The following TNKS2 variants were observed in gnomAD, a reference collection of about 807,000 sequenced individuals.
TNKS2 encodes tankyrase 2.
Under a neutral mutation model 137.6 loss-of-function variants are expected in TNKS2, and 72 were observed. The ratio of observed to expected loss-of-function variants is 0.52; its 90% CI spans 0.43 to 0.64. The LOEUF (loss-of-function observed/expected upper bound fraction) is 0.64. TNKS2 is among the 30% of genes least tolerant of loss of function. TNKS2 has a pLI of 0.00. For missense variants in TNKS2, 1,049 were observed against 1,410.2 expected (o/e 0.74, Z 4.10); for synonymous variants, 516 against 512.1 (o/e 1.01, Z -0.10).
At position 91,861,026 on chromosome 10, in the gene TNKS2, A is replaced by G. The variant is rs1477919351; in HGVS notation, c.3282-973A>G. Among the ~76,000 whole-genome samples the G allele has an allele frequency of 2.0e-5, 3 of 152,188 alleles. No homozygotes were observed. In the East Asian group the frequency reaches 5.8e-4, roughly 29 times the overall value. On this transcript the variant is annotated intron_variant, in intron 25 of 26. Coordinates refer to ENST00000371627, the MANE Select transcript of TNKS2 (RefSeq NM_025235.4). ...TACAGAAATCTCCTGTTATCTTCTA[A>G]AAAGAAACAATGACGTTAATACTAA... is the stretch of plus-strand genomic sequence containing the variant.
intron 20 of TNKS2, 131 bp downstream of exon 20, chr10:91,849,725 A>G (rs1842487400): frequency 9.0e-6 from 6 of 668,514 alleles, no homozygotes; most frequent in East Asian, 3.1e-5. Flanking sequence ...GACATCAGTC[A>G]GCCTTCTAAT....
chr10:91,798,939 G>T lies in TNKS2; in HGVS notation c.199+50G>T, dbSNP rs546267145. The T allele has an allele frequency of 1.5e-5, 20 of 1,318,074 alleles. No homozygotes were observed. The South Asian group carries it at 2.3e-4, about 15-fold the overall frequency. The allele number at this position is 1,318,074 out of a possible 1,614,324, so 81.6% of individuals were successfully genotyped here. A position where few individuals can be genotyped will look rare whatever the true frequency, so the allele number is the denominator to read the frequency against. On this transcript the variant is annotated intron_variant, in intron 1 of 26. Coordinates refer to ENST00000371627, the MANE Select transcript of TNKS2 (RefSeq NM_025235.4). ...CCTCGCTCCAGACCCCACCTGCGCA[G>T]CCGGGGCCCACAGGTCTGAAACCAG...
chr10:91,855,004 T>C (rs1564629809), intron 21 of TNKS2, 25 bp from the exon 22 acceptor site: 1 of 1,330,854 alleles, frequency 7.5e-7, no homozygotes. Flanking sequence ...AATTTATTTT[T>C]CTACCTTCAA....
chr10:91,843,394 A>G (rs984721074), intron 16 of TNKS2, among the ~76,000 whole-genome samples: 9 of 152,028 alleles, frequency 5.9e-5, no homozygotes, highest in African/African-American at 2.2e-4. Flanking sequence ...AAACCAGTCA[A>G]ATTAGATTAG....
chr10:91,823,588 A>T (rs1296967789), intron 7 of TNKS2, among the ~76,000 whole-genome samples: 1 of 151,996 alleles, frequency 6.6e-6, no homozygotes, highest in Non-Finnish European at 1.5e-5. Context: ...CAGCCTCCCA[A>T]AGTGCTGAGA....
chr10:91,817,640 A>AT (rs971675384), intron 3 of TNKS2, among the ~76,000 whole-genome samples: 49 of 151,854 alleles, frequency 3.2e-4, no homozygotes, highest in Non-Finnish European at 4.6e-4. Flanking sequence ...AAGCTGTACT[A>AT]TTTTTTTTAA....
In TNKS2 at chr10:91,841,364, T is replaced by A. The variant is rs761730757; in HGVS notation, c.1755T>A (p.Val585=). The change falls in exon 15 of 27, where the codon GTT becomes GTA. Residue 585 remains valine, a synonymous_variant. Transcript: ENST00000371627. ...TTCTTGTTAAACATGGAGCAGTAGT[T>A]AATGTAGCTGATTTATGGAAATTTA... ...AELLVKHGAV[V]NVADLWKFTP... is the part of the protein sequence containing the mutation. 1.9e-6 allele frequency: 3 copies of A among 1,610,134 alleles called. No individual in the cohort carries two copies. Among genetic ancestry groups the A allele is most frequent in the Non-Finnish European group, 2.5e-6 (3 of 1,178,244 alleles).
chr10:91,848,617 A>G lies in TNKS2; in HGVS notation c.2593A>G (p.Ser865Gly), dbSNP rs1416331654. 2.5e-6 allele frequency: 4 copies of G among 1,613,992 alleles called. No homozygotes were observed. In the African/African-American group the frequency reaches 5.3e-5, roughly 22 times the overall value. The part of the protein sequence containing the change: ...VSSSGTEGAS[S>G]LEKKEVPGVD... ...TTCAAGTGGAACAGAGGGTGCTTCC[A>G]GTTTGGAGAAAAAGGAGGGTGAGAC... The change falls in exon 19 of 27, where the codon AGT becomes GGT. Residue 865 changes from serine (S) to glycine (G), a missense_variant. By Grantham distance (56) the Ser-to-Gly change is moderately conservative. Transcript: ENST00000371627.
chr10:91,811,197 T>C (rs1320439771), intron 1 of TNKS2, among the ~76,000 whole-genome samples: 2 of 152,110 alleles, frequency 1.3e-5, no homozygotes, highest in Admixed American at 1.3e-4. Context: ...GTGCTGGGAT[T>C]ACTGGCGTGA....
At position 91,828,232 on chromosome 10, in the gene TNKS2, A is replaced by G. The variant is rs11186703; in HGVS notation, c.983-53A>G. ...GGAAAATACTAGATGTCTTTTAGAT[A>G]AGGCTTTTCAATTTGAACTCGTTAT... On this transcript the variant is annotated intron_variant, in intron 8 of 26. Transcript: ENST00000371627. 19 of 1,411,462 alleles carry G rather than the reference A, an allele frequency of 1.3e-5. No individual in the cohort carries two copies. In the East Asian group the frequency reaches 3.5e-4, roughly 26 times the overall value. The allele number at this position is 1,411,462 out of a possible 1,614,324, so 87.4% of individuals were successfully genotyped here.
At chr10:91,811,826 A>G (rs1157083498) in intron 1 of TNKS2, among the ~76,000 whole-genome samples, 1 of 152,106 alleles carries the variant, frequency 6.6e-6, no homozygotes, top group East Asian at 1.9e-4. Flanking sequence ...TTGGGAGACC[A>G]AGGCGGGTGG....
At chr10:91,844,076 G>T (rs1589683114) in intron 16 of TNKS2, among the ~76,000 whole-genome samples, 1 of 152,314 alleles carries the variant, frequency 6.6e-6, no homozygotes, top group East Asian at 1.9e-4. Context: ...GTTGTGCTGT[G>T]CATATTTATG....
At chr10:91,804,250 A>G (rs183543667) in intron 1 of TNKS2, among the ~76,000 whole-genome samples, 83 of 152,318 alleles carry the variant, frequency 5.4e-4, no homozygotes, top group African/African-American at 1.5e-3. Context: ...AAGTCCTGCT[A>G]TATGCCAGAC....
In TNKS2 at chr10:91,848,398, G is replaced by A. The variant is rs1300171152; in HGVS notation, c.2374G>A (p.Ala792Thr). The change falls in exon 19 of 27, where the codon GCT becomes ACT. Residue 792 changes from alanine to threonine, a missense_variant. Coordinates refer to ENST00000371627, the MANE Select transcript of TNKS2 (RefSeq NM_025235.4). ...CGTACCCTAGGCGGATGATGTCAGC[G>A]CTCTTCTGACAGCAGCCATGCCCCC... is the stretch of plus-strand genomic sequence containing the variant. ...LDLVSADDVS[A>T]LLTAAMPPSA... is the part of the protein sequence containing the mutation. 8 of 1,613,998 alleles carry A rather than the reference G, an allele frequency of 5.0e-6. No individual in the cohort carries two copies. The highest frequency in any genetic ancestry group is 2.2e-5 in the South Asian group (2 of 91,080).
At chr10:91,834,067 T>G (rs980795517) in intron 12 of TNKS2, 43 bp downstream of exon 12, 2 of 1,463,704 alleles carry the variant, frequency 1.4e-6, no homozygotes, top group African/African-American at 1.4e-5. Flanking sequence ...AAATTAACCT[T>G]TAAAAATTTT....
intron 6 of TNKS2, among the ~76,000 whole-genome samples, chr10:91,821,126 CT>C (rs1844876853): frequency 6.6e-6 from 1 of 152,152 alleles, no homozygotes. Context: ...CAACCTCCAC[CT>C]CCCGGGTTCA....
chr10:91,829,669 T>C (rs1374885317), intron 9 of TNKS2, among the ~76,000 whole-genome samples: 1 of 152,214 alleles, frequency 6.6e-6, no homozygotes. Flanking sequence ...AACTATGTTC[T>C]CCAATTAGAA....
intron 4 of TNKS2, 82 bp from the exon 5 acceptor site, chr10:91,819,399 AT>A (rs532069004): frequency 3.9e-4 from 520 of 1,346,352 alleles, no homozygotes; most frequent in African/African-American, 7.9e-4. Context: ...TTTAAAAAGA[AT>A]TTTTTTTTAA....
At chr10:91,855,829 A>T in intron 23 of TNKS2, 141 bp downstream of exon 23, 1 of 562,594 alleles carries the variant, frequency 1.8e-6, no homozygotes, top group Non-Finnish European at 3.2e-6. Context: ...GAAAGAGGAT[A>T]CCCTTGGAAG....
Sources: gnomAD v4.1 joint callset for allele counts (sites outside exome capture counted in the v4.1 genomes callset) on GRCh38, gnomAD v4.1.1 for gene constraint, MANE v1.5 for transcripts, NCBI Gene and HGNC (gene_info 2026-07-23, HGNC 2026-07-21) for gene names.